GDA: variants seen among roughly 807,000 people sequenced by gnomAD.
GDA encodes the protein cytoplasmic PSD-95 interactor.
A neutral mutation model predicts 59.6 loss-of-function variants in GDA; 18 were observed. The observed-to-expected ratio is 0.30, with a 90% CI of 0.21 to 0.45. The LOEUF is 0.45. Among genes scored for constraint, GDA ranks in the 20% least tolerant of loss-of-function variants. The pLI is 1.00. For synonymous variants in GDA, 201 were observed against 201.1 expected (o/e 1.00, Z 0.00); for missense variants, 427 against 552.3 (o/e 0.77, Z 2.27).
At chr9:72,224,294 T>C (rs1254274889) in intron 7 of GDA, among the ~76,000 whole-genome samples, 1 of 152,220 alleles carries the variant, frequency 6.6e-6, no homozygotes, top group Non-Finnish European at 1.5e-5. Context: ...AGATTGTCCT[T>C]TCTTCTGTTG....
At chr9:72,117,894 G>A (rs770036254) in intron 1 of GDA, among the ~76,000 whole-genome samples, 1 of 152,158 alleles carries the variant, frequency 6.6e-6, no homozygotes, top group South Asian at 2.1e-4. Context: ...CAGCTACTCC[G>A]GGATAATTCT....
chr9:72,249,499 TGAA>T lies in GDA; in HGVS notation c.*1160_*1162del. 5 of 648,098 alleles carry T rather than the reference TGAA, an allele frequency of 7.7e-6. No homozygotes were observed. The highest frequency in any genetic ancestry group is 9.6e-6 in the Non-Finnish European group (5 of 522,182). 40.1% of individuals were successfully genotyped at this position (648,098 alleles called of 1,614,324 possible). A position where few individuals can be genotyped will look rare whatever the true frequency, so the allele number is the denominator to read the frequency against. The stretch of plus-strand genomic sequence containing the variant: ...TTAGGATATTAAAATTTTAGGATAA[TGAA>T]GAGTACATAATGTCCTACTTAATAT... On this transcript the variant is annotated 3_prime_UTR_variant, in exon 14 of 14. Coordinates refer to ENST00000358399, the MANE Select transcript of GDA (RefSeq NM_004293.5).
chr9:72,250,383 A>G lies in GDA; in HGVS notation c.*2041A>G. The stretch of plus-strand genomic sequence containing the variant: ...TGCAGTAAATATAAATAAGTGTAGC[A>G]TCAGAAGCAGTAGGAATGGCCGTAT... On this transcript the variant is annotated 3_prime_UTR_variant, in exon 14 of 14. Transcript: ENST00000358399. The G allele has an allele frequency of 8.9e-7, 1 of 1,123,332 alleles. No homozygotes were observed. The highest frequency in any genetic ancestry group is 1.7e-5 in the African/African-American group (1 of 60,506). 69.6% of individuals were successfully genotyped at this position (1,123,332 alleles called of 1,614,324 possible). A position where few individuals can be genotyped will look rare whatever the true frequency, so the allele number is the denominator to read the frequency against.
intron 8 of GDA, 152 bp from the exon 9 acceptor site, chr9:72,227,791 C>A (rs1837782953): frequency 3.4e-6 from 2 of 587,876 alleles, no homozygotes; most frequent in Admixed American, 3.0e-5. Flanking sequence ...TTGTACCTAG[C>A]AACTTTGTAC....
At chr9:72,217,783 C>CT (rs1836323013) in intron 5 of GDA, among the ~76,000 whole-genome samples, 2 of 152,202 alleles carry the variant, frequency 1.3e-5, no homozygotes, top group South Asian at 4.1e-4. Flanking sequence ...TCATTATGTT[C>CT]TTTTTCATAC....
At chr9:72,137,242 CT>C (rs143364725) in intron 1 of GDA, among the ~76,000 whole-genome samples, 4,687 of 84,258 alleles carry the variant, frequency 0.056, 59 homozygotes, top group African/African-American at 0.13. Flanking sequence ...TTCTTTTTTT[CT>C]TTTTTTTTTT....
Position 72,251,015 on chromosome 9 carries a change from C to A in GDA, c.*2673C>A, listed in dbSNP as rs1008547334. 8.8e-6 allele frequency: 5 copies of A among 568,904 alleles called. No homozygotes were observed. The African/African-American group carries it at 9.4e-5, about 11-fold the overall frequency. The allele number at this position is 568,904 out of a possible 1,614,324, so 35.2% of individuals were successfully genotyped here. ...TCCTAAACAGACCAAGGAGACTGTT[C>A]CCTAATTTATTCTCTTGGCTGGTTC... On this transcript the variant is annotated 3_prime_UTR_variant, in exon 14 of 14. Transcript: ENST00000358399.
chr9:72,138,494 T>C (rs1826325086), intron 1 of GDA, among the ~76,000 whole-genome samples: 1 of 152,264 alleles, frequency 6.6e-6, no homozygotes, highest in African/African-American at 2.4e-5. Context: ...ATTTCTTGCA[T>C]ACTTCTACTG....
At chr9:72,131,281 T>C (rs1826015443) in intron 1 of GDA, among the ~76,000 whole-genome samples, 2 of 152,080 alleles carry the variant, frequency 1.3e-5, no homozygotes, top group African/African-American at 4.8e-5. Context: ...GCCAAAAGCA[T>C]TGGGAAAAAT....
chr9:72,233,886 G>A (rs1187616809), intron 10 of GDA, among the ~76,000 whole-genome samples: 2 of 152,118 alleles, frequency 1.3e-5, no homozygotes, highest in African/African-American at 2.4e-5. Context: ...AGGCTGCAGT[G>A]AGCCATGTTC....
At chr9:72,246,524 ATTT>A (rs780082932) in intron 12 of GDA, among the ~76,000 whole-genome samples, 7 of 152,208 alleles carry the variant, frequency 4.6e-5, no homozygotes, top group Non-Finnish European at 1.0e-4. Flanking sequence ...AAACTTGGAT[ATTT>A]TTATGCTAGG....
chr9:72,196,578 T>G (rs1478836867), intron 2 of GDA, among the ~76,000 whole-genome samples: 1 of 152,206 alleles, frequency 6.6e-6, no homozygotes, highest in Non-Finnish European at 1.5e-5. Flanking sequence ...TTTTATTTTA[T>G]TTTTTGTTTA....
rs1225937669 is a variant in GDA at position 72,210,669 on chromosome 9, T to TTTGTGATTTA, written c.385-15_385-6dup. 1 of 1,493,000 alleles carries TTTGTGATTTA rather than the reference T, an allele frequency of 6.7e-7. No individual in the cohort carries two copies. The allele number at this position is 1,493,000 out of a possible 1,614,324, so 92.5% of individuals were successfully genotyped here. On this transcript the variant is annotated splice_polypyrimidine_tract_variant and intron_variant, in intron 3 of 13. Transcript: ENST00000358399. ...TTCTGAGCACACGTGATTCGCGGTTTTTGTGATTTATTTTTAGAGGAGAAC... is the reference window on the plus strand; with the variant it reads ...TTCTGAGCACACGTGATTCGCGGTTTTTGTGATTTATTGTGATTTATTTTTAGAGGAGAAC...
At chr9:72,144,187 A>C (rs1453366046) in intron 1 of GDA, among the ~76,000 whole-genome samples, 1 of 152,158 alleles carries the variant, frequency 6.6e-6, no homozygotes, top group East Asian at 1.9e-4. Context: ...GTGTCAATGC[A>C]CTCCAGCCTG....
intron 1 of GDA, among the ~76,000 whole-genome samples, chr9:72,155,840 T>C (rs1487595559): frequency 6.6e-6 from 1 of 152,210 alleles, no homozygotes; most frequent in African/African-American, 2.4e-5. Flanking sequence ...TATCACTTAT[T>C]ACCTATGTGA....
chr9:72,182,738 G>A (rs1452013795), intron 1 of GDA, among the ~76,000 whole-genome samples: 1 of 152,100 alleles, frequency 6.6e-6, no homozygotes, highest in Non-Finnish European at 1.5e-5. Flanking sequence ...GATGATGGAT[G>A]CCAAATGCTC....
At chr9:72,231,315 G>C in intron 10 of GDA, 134 bp downstream of exon 10, 2 of 580,136 alleles carry the variant, frequency 3.4e-6, no homozygotes, top group Non-Finnish European at 6.4e-6. Flanking sequence ...GGTAGCTCAC[G>C]TCTGTAATCC....
At position 72,248,728 on chromosome 9, in the gene GDA, A is replaced by G. The variant is rs1840405367; in HGVS notation, c.*386A>G. 1 of 1,007,262 alleles carries G rather than the reference A, an allele frequency of 9.9e-7. No homozygotes were observed. 62.4% of individuals were successfully genotyped at this position (1,007,262 alleles called of 1,614,324 possible). ...TTTTGAGCTAATAATTGCAAAAATT[A>G]GAAGACTGAAAATGGACCCATGAGA... On this transcript the variant is annotated 3_prime_UTR_variant, in exon 14 of 14. Coordinates refer to ENST00000358399, the MANE Select transcript of GDA (RefSeq NM_004293.5).
chr9:72,248,297 T>C lies in GDA; in HGVS notation c.1320T>C (p.Val440=). ...YLGDDRNIEE[V]YVGGKQVVPF... is the part of the protein sequence containing the mutation. ...GAGATGATCGAAATATTGAAGAGGT[T>C]TATGTGGGCGGAAAGCAGGTGGTTC... Residue 440 remains valine, a synonymous_variant, in exon 14 of 14, where the codon GTT becomes GTC. Coordinates refer to ENST00000358399, the MANE Select transcript of GDA (RefSeq NM_004293.5). The C allele has an allele frequency of 1.2e-6, 2 of 1,612,858 alleles. No homozygotes were observed. Among genetic ancestry groups the C allele is most frequent in the Non-Finnish European group, 1.7e-6 (2 of 1,178,898 alleles).
Sources: allele counts gnomAD v4.1 joint callset (sites outside exome capture counted in the v4.1 genomes callset), GRCh38; gene constraint gnomAD v4.1.1; transcripts MANE v1.5; gene names NCBI Gene and HGNC (gene_info 2026-07-23, HGNC 2026-07-21).